Variants in SKIC3 observed in about 807,000 individuals in gnomAD.
SKIC3 encodes superkiller complex protein 3.
the SKIC3 span, chr5:95,528,223 G>A: frequency 1.1e-5 from 17 of 1,580,370 alleles, no homozygotes; most frequent in African/African-American, 2.3e-4. Context: ...TTTTAAGGAT[G>A]ACATATAATA....
At chr5:95,526,472 T>C in the SKIC3 span, among the ~76,000 whole-genome samples, 4 of 151,860 alleles carry the variant, frequency 2.6e-5, no homozygotes, top group South Asian at 6.2e-4. Context: ...TGACTGTCTT[T>C]TTTTTTTTGT....
At chr5:95,530,417 T>C in the SKIC3 span, among the ~76,000 whole-genome samples, 1 of 152,228 alleles carries the variant, frequency 6.6e-6, no homozygotes, top group Non-Finnish European at 1.5e-5. Context: ...TAAATAATTA[T>C]GATTTTTCAT....
chr5:95,547,605 T>C, the SKIC3 span, among the ~76,000 whole-genome samples: 1 of 152,094 alleles, frequency 6.6e-6, no homozygotes, highest in African/African-American at 2.4e-5. Flanking sequence ...TTATAGATGA[T>C]CAATTAATAA....
chr5:95,464,786 C>T, the SKIC3 span: 1 of 818,064 alleles, frequency 1.2e-6, no homozygotes, highest in Non-Finnish European at 2.1e-6. Flanking sequence ...CTTGAAAAGG[C>T]AACATCAAAC....
the SKIC3 span, chr5:95,528,159 A>G: frequency 4.0e-5 from 65 of 1,613,650 alleles, no homozygotes; most frequent in South Asian, 5.6e-4. Flanking sequence ...AGAGCTGACA[A>G]AATTAAGGGT....
the SKIC3 span, among the ~76,000 whole-genome samples, chr5:95,507,818 T>A: frequency 1.3e-5 from 2 of 152,044 alleles, no homozygotes; most frequent in African/African-American, 4.8e-5. Context: ...ACAGCAGTGA[T>A]GATCAGTCAA....
chr5:95,478,292 T>C, the SKIC3 span: 4 of 1,613,642 alleles, frequency 2.5e-6, no homozygotes, highest in South Asian at 2.2e-5. Flanking sequence ...GATCTTACCA[T>C]ACAGACTTTT....
chr5:95,497,484 G>C, the SKIC3 span: 1 of 1,613,004 alleles, frequency 6.2e-7, no homozygotes, highest in Non-Finnish European at 8.5e-7. Context: ...GGGTCACCAG[G>C]GTTGCTAAAG....
At chr5:95,523,627 A>C in the SKIC3 span, 11 of 1,609,708 alleles carry the variant, frequency 6.8e-6, no homozygotes, top group Non-Finnish European at 9.3e-6. Flanking sequence ...TAAAAAAAAC[A>C]AAAAGCAAAA....
chr5:95,517,162 G>A, the SKIC3 span: 409 of 1,613,312 alleles, frequency 2.5e-4, 4 homozygotes, highest in African/African-American at 4.5e-3. Context: ...CCAAGGTGGA[G>A]GAGCTCATTT....
chr5:95,467,260 A>G, the SKIC3 span, among the ~76,000 whole-genome samples: 1 of 152,194 alleles, frequency 6.6e-6, no homozygotes, highest in Non-Finnish European at 1.5e-5. Context: ...ACGCATTAAT[A>G]GAGAGATATA....
chr5:95,525,616 T>TC, the SKIC3 span: 1 of 1,614,056 alleles, frequency 6.2e-7, no homozygotes, highest in Non-Finnish European at 8.5e-7. Flanking sequence ...GAACCTTTGT[T>TC]CCGATAGGCC....
At chr5:95,530,361 A>G in the SKIC3 span, 20 of 903,268 alleles carry the variant, frequency 2.2e-5, no homozygotes, top group Non-Finnish European at 3.4e-5. Context: ...CCAGAAATTC[A>G]AAATTTAAAT....
chr5:95,490,769 A>G, the SKIC3 span: 1 of 1,092,906 alleles, frequency 9.1e-7, no homozygotes, highest in East Asian at 3.1e-5. Flanking sequence ...AAGTGCTGGG[A>G]TTACAGGCGT....
chr5:95,467,866 G>A, the SKIC3 span: 19 of 1,613,160 alleles, frequency 1.2e-5, no homozygotes, highest in African/African-American at 4.0e-5. Flanking sequence ...AATGCCTTAC[G>A]TCAATAAGCT....
At chr5:95,473,386 A>G in the SKIC3 span, among the ~76,000 whole-genome samples, 1 of 152,038 alleles carries the variant, frequency 6.6e-6, no homozygotes, top group Non-Finnish European at 1.5e-5. Context: ...AGCTCAGGTG[A>G]TTCTCCCACT....
chr5:95,525,606 G>GA, the SKIC3 span: 1 of 1,613,976 alleles, frequency 6.2e-7, no homozygotes, highest in Non-Finnish European at 8.5e-7. Context: ...TTCATCAAAT[G>GA]AACCTTTGTT....
chr5:95,525,562 G>A, the SKIC3 span: 1 of 1,613,812 alleles, frequency 6.2e-7, no homozygotes, highest in South Asian at 1.1e-5. Flanking sequence ...CTCAAAAAAT[G>A]CTCAGTTTGA....
At chr5:95,487,135 C>T in the SKIC3 span, among the ~76,000 whole-genome samples, 4 of 152,208 alleles carry the variant, frequency 2.6e-5, no homozygotes, top group East Asian at 7.7e-4. Flanking sequence ...CCGGCCTAGC[C>T]TCCCACCCTA....
Sources: allele counts gnomAD v4.1 joint callset (sites outside exome capture counted in the v4.1 genomes callset), GRCh38; gene constraint gnomAD v4.1.1; transcripts MANE v1.5; gene names NCBI Gene and HGNC (gene_info 2026-07-23, HGNC 2026-07-21).